The following FERMT1 variants were observed in gnomAD, a reference collection of about 807,000 sequenced individuals.
The protein encoded by FERMT1 is fermitin family homolog 1.
A neutral mutation model predicts 85.3 loss-of-function variants in FERMT1; 60 were observed. The ratio of observed to expected loss-of-function variants is 0.70; its 90% CI spans 0.57 to 0.87. The LOEUF (loss-of-function observed/expected upper bound fraction) is 0.87. FERMT1 is among the 40% of genes least tolerant of loss of function. The pLI is 0.00. For missense variants in FERMT1, 701 were observed against 818.9 expected, an observed-to-expected ratio of 0.86 and a Z score of 1.76; for synonymous variants, 275 against 301.1, an observed-to-expected ratio of 0.91 and a Z score of 0.90.
At position 6,077,019 on chromosome 20, in the gene FERMT1, C is replaced by A; in HGVS notation, c.*154G>T. 1.3e-6 allele frequency: 1 copy of A among 766,582 alleles called. No homozygotes were observed. The highest frequency in any genetic ancestry group is 2.3e-6 in the Non-Finnish European group (1 of 442,118). 47.5% of individuals were successfully genotyped at this position (766,582 alleles called of 1,614,324 possible). On this transcript the variant is annotated 3_prime_UTR_variant, in exon 15 of 15. Transcript: ENST00000217289. ...AGGGCAAAGTAAGGAAAGGGATGTGCCAGCAGTGGGTTTGAATGAGGATCT... is the reference window on the plus strand; with the variant it reads ...AGGGCAAAGTAAGGAAAGGGATGTGACAGCAGTGGGTTTGAATGAGGATCT...
intron 6 of FERMT1, among the ~76,000 whole-genome samples, chr20:6,100,557 A>G (rs1380876472): frequency 1.3e-5 from 2 of 152,204 alleles, no homozygotes; most frequent in African/African-American, 4.8e-5. Flanking sequence ...TGAATATACT[A>G]AAAACCACTG....
intron 6 of FERMT1, among the ~76,000 whole-genome samples, chr20:6,098,154 A>C (rs1248823666): frequency 6.6e-6 from 1 of 152,090 alleles, no homozygotes; most frequent in Non-Finnish European, 1.5e-5. Context: ...CTGCTTCTTC[A>C]CAACCCAAAT....
chr20:6,097,102 G>A (rs1982525557), intron 7 of FERMT1, 69 bp from the exon 8 acceptor site: 2 of 1,505,092 alleles, frequency 1.3e-6, no homozygotes, highest in Non-Finnish European at 1.8e-6. Context: ...GAATCCATTA[G>A]CCATTTTTTT....
chr20:6,092,323 T>A (rs905133060), intron 9 of FERMT1, among the ~76,000 whole-genome samples: 3 of 152,070 alleles, frequency 2.0e-5, no homozygotes, highest in Non-Finnish European at 2.9e-5. Context: ...AAAGGGAAGA[T>A]CTTGAGTCCA....
In FERMT1 at chr20:6,115,825, A is replaced by G. The variant is rs760691296; in HGVS notation, c.371T>C (p.Ile124Thr). Residue 124 changes from isoleucine (I) to threonine (T), a missense_variant, in exon 3 of 15, where the codon ATC becomes ACC. By Grantham distance (89) the Ile-to-Thr change is moderately conservative. Transcript: ENST00000217289. The stretch of plus-strand genomic sequence containing the variant: ...TGGGTACTTACTCAGGATTTTGCAG[A>G]TATCACTGACAGCTTTAAAAACCAC... ...SAVVFKAVSDICKILNIRRSE... is the reference protein window; with the variant it reads ...SAVVFKAVSDTCKILNIRRSE... The G allele has an allele frequency of 3.8e-5, 62 of 1,613,852 alleles. No homozygotes were observed. The highest frequency in any genetic ancestry group is 3.2e-5 in the Non-Finnish European group (38 of 1,179,842).
At chr20:6,081,372 AG>A (rs1230793245) in intron 13 of FERMT1, among the ~76,000 whole-genome samples, 1 of 152,136 alleles carries the variant, frequency 6.6e-6, no homozygotes, top group Non-Finnish European at 1.5e-5. Flanking sequence ...CTGGTCAGTG[AG>A]GGAGGAGAAA....
At position 6,077,394 on chromosome 20, in the gene FERMT1, GA is replaced by G. The variant is rs35637712; in HGVS notation, c.1861-49del. On this transcript the variant is annotated intron_variant, in intron 14 of 14. Coordinates refer to ENST00000217289, the MANE Select transcript of FERMT1 (RefSeq NM_017671.5). ...AGCTTAAACTCTGACAAGGAATGAT[GA>G]AAAAAAAAGTGCTTTGCTGGACTGG... 0.16 allele frequency: 256,212 copies of G among 1,594,374 alleles called. 21,649 individuals are homozygous for G. The highest frequency in any genetic ancestry group is 0.27 in the African/African-American group (19,817 of 74,200).
In FERMT1 at chr20:6,097,542, C is replaced by T. The variant is rs1208513452; in HGVS notation, c.939G>A (p.Leu313=). The change falls in exon 7 of 15, where the codon TTG becomes TTA. Residue 313 remains leucine (L), a synonymous_variant. Coordinates refer to ENST00000217289, the MANE Select transcript of FERMT1 (RefSeq NM_017671.5). ...EEIDCTEEEM[L]IFAALQYHIS... is the part of the protein sequence containing the mutation. Reference sequence around the variant, plus strand: ...CCCATACCTGTAGAGCTGCAAAGATCAACATTTCTTCCTCTGTGCAATCAA... The same window carrying T: ...CCCATACCTGTAGAGCTGCAAAGATTAACATTTCTTCCTCTGTGCAATCAA... 3 of 1,613,106 alleles carry T rather than the reference C, an allele frequency of 1.9e-6. No individual in the cohort carries two copies. The highest frequency in any genetic ancestry group is 2.5e-6 in the Non-Finnish European group (3 of 1,179,114).
chr20:6,092,224 T>A (rs1381198283), intron 9 of FERMT1, among the ~76,000 whole-genome samples: 1 of 152,194 alleles, frequency 6.6e-6, no homozygotes, highest in Non-Finnish European at 1.5e-5. Context: ...CAGGATTCCC[T>A]TATTACATAA....
At chr20:6,083,794 A>G (rs1982080528) in intron 13 of FERMT1, among the ~76,000 whole-genome samples, 1 of 151,684 alleles carries the variant, frequency 6.6e-6, no homozygotes, top group Non-Finnish European at 1.5e-5. Context: ...TAGTTATCCT[A>G]AAAAAAACCC....
chr20:6,121,113 ATGTTTTTGTTT>A (rs1324157745), intron 1 of FERMT1, among the ~76,000 whole-genome samples: 2 of 152,102 alleles, frequency 1.3e-5, no homozygotes, highest in African/African-American at 4.8e-5. Context: ...GTAGCTCCTT[ATGTTTTTGTTT>A]TGTTTTTGTT....
intron 11 of FERMT1, among the ~76,000 whole-genome samples, chr20:6,086,686 G>A (rs1181281557): frequency 6.6e-6 from 1 of 152,162 alleles, no homozygotes; most frequent in Non-Finnish European, 1.5e-5. Flanking sequence ...GTGATATTGA[G>A]TGAGTTCTCA....
At chr20:6,110,720 G>A (rs1265845078) in intron 4 of FERMT1, among the ~76,000 whole-genome samples, 1 of 152,116 alleles carries the variant, frequency 6.6e-6, no homozygotes, top group East Asian at 1.9e-4. Context: ...GAGCCTAGGA[G>A]TTTGAGACCA....
intron 2 of FERMT1, among the ~76,000 whole-genome samples, chr20:6,119,033 C>T (rs923303868): frequency 6.6e-6 from 1 of 152,006 alleles, no homozygotes; most frequent in African/African-American, 2.4e-5. Flanking sequence ...CTGCAACCCC[C>T]GCCTCCCGGG....
intron 6 of FERMT1, among the ~76,000 whole-genome samples, chr20:6,106,703 G>T (rs561009085): frequency 6.6e-6 from 1 of 152,340 alleles, no homozygotes; most frequent in African/African-American, 2.4e-5. Context: ...GAGATGTGCA[G>T]TGAAAATAGA....
At chr20:6,090,753 C>T (rs377380856) in intron 9 of FERMT1, among the ~76,000 whole-genome samples, 2 of 151,620 alleles carry the variant, frequency 1.3e-5, no homozygotes, top group African/African-American at 4.8e-5. Flanking sequence ...ATTTAAAAAC[C>T]CAGCAAAACC....
rs183983090 is a variant in FERMT1, at chr20:6,095,300, G to A, written c.1090-312C>T. Among the ~76,000 whole-genome samples, 319 of 152,176 alleles carry A rather than the reference G, an allele frequency of 2.1e-3. 8 individuals carry two copies. The highest frequency in any genetic ancestry group is 7.7e-4 in the East Asian group (4 of 5,180). On this transcript the variant is annotated intron_variant, in intron 8 of 14. Coordinates refer to ENST00000217289, the MANE Select transcript of FERMT1 (RefSeq NM_017671.5). ...TGACAATTGAATACTAATTTGTTAA[G>A]CTGTACATATGTGTATTTTTCACTT...
intron 14 of FERMT1, among the ~76,000 whole-genome samples, chr20:6,078,887 A>C (rs1568651856): frequency 6.6e-6 from 1 of 152,088 alleles, no homozygotes; most frequent in African/African-American, 2.4e-5. Context: ...AACATAGGCT[A>C]GGGGTTTGAG....
chr20:6,112,430 A>G, intron 4 of FERMT1, 47 bp downstream of exon 4: 1 of 1,588,844 alleles, frequency 6.3e-7, no homozygotes, highest in South Asian at 1.1e-5. Context: ...TTCTCTCTTG[A>G]GTTTTACTGT....
Sources: gnomAD v4.1 joint callset for allele counts (sites outside exome capture counted in the v4.1 genomes callset) on GRCh38, gnomAD v4.1.1 for gene constraint, MANE v1.5 for transcripts, NCBI Gene and HGNC (gene_info 2026-07-23, HGNC 2026-07-21) for gene names.